PDK1: variants seen among roughly 807,000 people sequenced by gnomAD.
PDK1 encodes [Pyruvate dehydrogenase (acetyl-transferring)] kinase isozyme 1, mitochondrial.
In PDK1, 39 loss-of-function variants were observed where a neutral mutation model predicts 54.2. The ratio of observed to expected loss-of-function variants is 0.72; its 90% CI spans 0.56 to 0.94. PDK1 has a LOEUF of 0.94. PDK1 is among the 40% of genes least tolerant of loss of function. PDK1 has a pLI of 0.00. For missense variants in PDK1, 552 were observed against 566.0 expected, an observed-to-expected ratio of 0.98 and a Z score of 0.25; for synonymous variants, 221 against 207.1, an observed-to-expected ratio of 1.07 and a Z score of -0.58.
At chr2:172,699,726 CTTTT>C in the PDK1 span, among the ~76,000 whole-genome samples, 8,430 of 150,724 alleles carry the variant, frequency 0.056, 986 homozygotes, top group East Asian at 0.54. Flanking sequence ...ACTAAATGTG[CTTTT>C]TTTCTTTTTC....
chr2:172,670,361 T>C, the PDK1 span, among the ~76,000 whole-genome samples: 1 of 152,254 alleles, frequency 6.6e-6, no homozygotes, highest in South Asian at 2.1e-4. Flanking sequence ...TTGACAATTA[T>C]AATTTAATTT....
At chr2:172,634,772 C>CAAAAAA in the PDK1 span, among the ~76,000 whole-genome samples, 125 of 129,752 alleles carry the variant, frequency 9.6e-4, no homozygotes, top group African/African-American at 3.4e-3. Flanking sequence ...TCTTAAAATG[C>CAAAAAA]AAAAAAAAAA....
the PDK1 span, among the ~76,000 whole-genome samples, chr2:172,681,338 T>C: frequency 6.6e-6 from 1 of 152,176 alleles, no homozygotes; most frequent in Admixed American, 6.5e-5. Flanking sequence ...TGGAGCTTTA[T>C]TATTTAATTT....
At position 172,599,212 on chromosome 2, in the gene PDK1, T is replaced by C. The variant is rs773865872; in HGVS notation, c.*3243T>C. The C allele has an allele frequency of 1.5e-4, 23 of 151,046 alleles. No homozygotes were observed. The highest frequency in any genetic ancestry group is 2.8e-4 in the Non-Finnish European group (19 of 67,848). The allele number at this position is 151,046 out of a possible 1,614,324, so 9.4% of individuals were successfully genotyped here. A position where few individuals can be genotyped will look rare whatever the true frequency, so the allele number is the denominator to read the frequency against. ...CAGCATTACCCTCTGCTTGTACCAA[T>C]TGAATGGCAGAACTACTATAGTCAA... On this transcript the variant is annotated 3_prime_UTR_variant, in exon 11 of 11. Coordinates refer to ENST00000282077, the MANE Select transcript of PDK1 (RefSeq NM_002610.5).
chr2:172,679,293 A>T, the PDK1 span, among the ~76,000 whole-genome samples: 2 of 151,922 alleles, frequency 1.3e-5, no homozygotes, highest in Non-Finnish European at 2.9e-5. Context: ...ATTTTTTTTT[A>T]AAGATTGGTC....
chr2:172,568,968 A>G, intron 7 of PDK1, 151 bp downstream of exon 7: 1 of 624,134 alleles, frequency 1.6e-6, no homozygotes, highest in East Asian at 2.8e-5. Flanking sequence ...GCTTTTTATC[A>G]ACACAGGGAG....
chr2:172,715,814 T>A, the PDK1 span, among the ~76,000 whole-genome samples: 1 of 152,314 alleles, frequency 6.6e-6, no homozygotes, highest in Non-Finnish European at 1.5e-5. Flanking sequence ...AAGGTCATAC[T>A]CATCTTAATG....
the PDK1 span, among the ~76,000 whole-genome samples, chr2:172,653,800 T>C: frequency 6.6e-6 from 1 of 152,158 alleles, no homozygotes; most frequent in Non-Finnish European, 1.5e-5. Flanking sequence ...AAAGAGCTTC[T>C]GCACAGCGAA....
the PDK1 span, among the ~76,000 whole-genome samples, chr2:172,673,491 T>C: frequency 6.6e-6 from 1 of 152,170 alleles, no homozygotes; most frequent in African/African-American, 2.4e-5. Flanking sequence ...TGGCCCTGGC[T>C]ATGACTAATT....
the PDK1 span, among the ~76,000 whole-genome samples, chr2:172,675,107 A>G: frequency 6.6e-6 from 1 of 152,164 alleles, no homozygotes; most frequent in East Asian, 1.9e-4. Flanking sequence ...TTGATTGATA[A>G]ATGTGTGTGC....
the PDK1 span, among the ~76,000 whole-genome samples, chr2:172,640,716 A>G: frequency 1.3e-5 from 2 of 152,206 alleles, no homozygotes; most frequent in African/African-American, 4.8e-5. Flanking sequence ...AGGTGATAAT[A>G]TGTTAAAAAT....
the PDK1 span, among the ~76,000 whole-genome samples, chr2:172,704,482 T>A: frequency 6.6e-6 from 1 of 152,138 alleles, no homozygotes; most frequent in Non-Finnish European, 1.5e-5. Flanking sequence ...ATGCCAAGGT[T>A]TACAATCTCT....
At chr2:172,722,215 C>T in the PDK1 span, among the ~76,000 whole-genome samples, 1 of 152,248 alleles carries the variant, frequency 6.6e-6, no homozygotes, top group Admixed American at 6.5e-5. Context: ...GAATGGAACT[C>T]ATACACTCCC....
At chr2:172,566,427 T>C (rs1688944375) in intron 5 of PDK1, among the ~76,000 whole-genome samples, 1 of 152,066 alleles carries the variant, frequency 6.6e-6, no homozygotes, top group Non-Finnish European at 1.5e-5. Flanking sequence ...TGGTGACCCA[T>C]GCCTACGTAG....
chr2:172,618,344 CAAG>C, the PDK1 span, among the ~76,000 whole-genome samples: 1 of 152,046 alleles, frequency 6.6e-6, no homozygotes, highest in African/African-American at 2.4e-5. Flanking sequence ...AAGACAAAAA[CAAG>C]AGATCTTTTT....
the PDK1 span, among the ~76,000 whole-genome samples, chr2:172,709,414 T>C: frequency 6.6e-6 from 1 of 152,194 alleles, no homozygotes; most frequent in Admixed American, 6.5e-5. Context: ...CCCATCAATA[T>C]GTTTTGTTGA....
chr2:172,592,123 A>G (rs1690622449), intron 9 of PDK1, among the ~76,000 whole-genome samples: 1 of 152,220 alleles, frequency 6.6e-6, no homozygotes, highest in Non-Finnish European at 1.5e-5. Flanking sequence ...TAGGAAAGCT[A>G]CGGGTTGTCA....
At chr2:172,620,869 C>T in the PDK1 span, among the ~76,000 whole-genome samples, 422 of 152,238 alleles carry the variant, frequency 2.8e-3, no homozygotes, top group Non-Finnish European at 4.8e-3. Context: ...CCTGCAGAAC[C>T]GTGAGCCAAT....
At chr2:172,612,392 A>C (rs1374280452), downstream of PDK1, among the ~76,000 whole-genome samples, 1 of 152,238 alleles carries the variant, frequency 6.6e-6, no homozygotes, top group East Asian at 1.9e-4. Context: ...TCCTGCATAT[A>C]ATACTGAATA....
Sources: gnomAD v4.1 joint callset for allele counts (sites outside exome capture counted in the v4.1 genomes callset) on GRCh38, gnomAD v4.1.1 for gene constraint, MANE v1.5 for transcripts, NCBI Gene and HGNC (gene_info 2026-07-23, HGNC 2026-07-21) for gene names.